EBF1: variants seen among roughly 807,000 people sequenced by gnomAD.
The protein encoded by EBF1 is EBF transcription factor 1.
A neutral mutation model predicts 68.4 loss-of-function variants in EBF1; 10 were observed. That is an observed-to-expected ratio of 0.15 (90% confidence interval 0.09 to 0.25). The LOEUF is 0.25. EBF1 is among the 10% of genes least tolerant of loss of function. The pLI is 1.00. For missense variants in EBF1, 509 were observed against 794.4 expected (o/e 0.64, Z 4.32); for synonymous variants, 298 against 299.8 (o/e 0.99, Z 0.06).
At chr5:158,971,579 T>C (rs1755662515) in intron 6 of EBF1, among the ~76,000 whole-genome samples, 1 of 152,064 alleles carries the variant, frequency 6.6e-6, no homozygotes, top group African/African-American at 2.4e-5. Flanking sequence ...TCACTAAAAA[T>C]CAGAGTGTTT....
intron 10 of EBF1, among the ~76,000 whole-genome samples, chr5:158,743,500 G>A (rs1213766463): frequency 6.6e-6 from 1 of 152,204 alleles, no homozygotes. Context: ...GGAGCAACAC[G>A]ATGTGATCAA....
chr5:158,872,683 G>A (rs930053768), intron 6 of EBF1, among the ~76,000 whole-genome samples: 2 of 152,148 alleles, frequency 1.3e-5, no homozygotes, highest in African/African-American at 2.4e-5. Context: ...TACAAACATA[G>A]GCATTTACTC....
At chr5:158,867,138 G>T (rs1306338758) in intron 6 of EBF1, among the ~76,000 whole-genome samples, 2 of 151,950 alleles carry the variant, frequency 1.3e-5, no homozygotes, top group African/African-American at 4.8e-5. Flanking sequence ...GCTCTATTGT[G>T]CCTGGCCAGG....
At chr5:158,946,384 T>C (rs1163359111) in intron 6 of EBF1, among the ~76,000 whole-genome samples, 1 of 152,200 alleles carries the variant, frequency 6.6e-6, no homozygotes. Context: ...TCGTCCTTCT[T>C]TTTGATGTTG....
rs1010503968 is a variant in EBF1, at chr5:158,712,975, T to C, written c.1364A>G (p.Asn455Ser). 2 of 1,487,900 alleles carry C rather than the reference T, an allele frequency of 1.3e-6. No homozygotes were observed. Among genetic ancestry groups the C allele is most frequent in the Admixed American group, 2.1e-5 (1 of 47,818 alleles). 92.2% of individuals were successfully genotyped at this position (1,487,900 alleles called of 1,614,324 possible). ...VNVSEASQAT[N>S]QGFTRNSSSV... ...GAGAAAAGCAAGCTTCTGACCCTGATTGGTGGCTTGTGATGCCTCGGAGAC... is the reference window on the plus strand; with the variant it reads ...GAGAAAAGCAAGCTTCTGACCCTGACTGGTGGCTTGTGATGCCTCGGAGAC... The change falls in exon 13 of 16, where the codon AAT becomes AGT. Residue 455 changes from asparagine (N) to serine (S), a missense_variant. This residue lies in a region of EBF1 where 205 missense variants were observed against 247.4 expected (regional missense o/e 0.83). Transcript: ENST00000313708.
chr5:158,822,411 T>C (rs1785071593), intron 8 of EBF1, among the ~76,000 whole-genome samples: 1 of 151,926 alleles, frequency 6.6e-6, no homozygotes. Flanking sequence ...CACTGAAAAA[T>C]TCAGGCGTGC....
At chr5:158,785,573 C>T (rs930318804) in intron 9 of EBF1, among the ~76,000 whole-genome samples, 16 of 152,094 alleles carry the variant, frequency 1.1e-4, no homozygotes, top group Admixed American at 5.9e-4. Flanking sequence ...TCTCAGAGAA[C>T]GTGAGAAAAA....
chr5:158,773,486 C>G (rs1366014397), intron 10 of EBF1, among the ~76,000 whole-genome samples: 1 of 152,110 alleles, frequency 6.6e-6, no homozygotes, highest in Admixed American at 6.5e-5. Context: ...AACCAGACAT[C>G]TGAGTTGTTA....
chr5:158,768,361 T>C (rs1773187889), intron 10 of EBF1, among the ~76,000 whole-genome samples: 1 of 152,066 alleles, frequency 6.6e-6, no homozygotes, highest in Non-Finnish European at 1.5e-5. Context: ...TTATGTATTT[T>C]TAAATGAAAA....
intron 6 of EBF1, among the ~76,000 whole-genome samples, chr5:159,065,373 C>T (rs971954383): frequency 6.6e-6 from 1 of 152,270 alleles, no homozygotes; most frequent in Non-Finnish European, 1.5e-5. Context: ...GGAGAATTCA[C>T]GGCACTGGCG....
rs1252034729 is a variant in EBF1 at position 158,750,419 on chromosome 5, CTCTGA to C, written c.1037-19267_1037-19263del. On this transcript the variant is annotated intron_variant, in intron 10 of 15. Coordinates refer to ENST00000313708, the MANE Select transcript of EBF1 (RefSeq NM_024007.5). ...TTATTACTATTGATTTATGAATTCC[CTCTGA>C]TCTATTTCCTAACTGGGCAGATAAT... Among the ~76,000 whole-genome samples, 5 of 152,030 alleles carry C rather than the reference CTCTGA, an allele frequency of 3.3e-5. No homozygotes were observed. The East Asian group carries it at 9.7e-4, about 29-fold the overall frequency.
intron 6 of EBF1, among the ~76,000 whole-genome samples, chr5:158,949,407 A>T (rs1007785056): frequency 2.6e-5 from 4 of 152,158 alleles, no homozygotes; most frequent in Non-Finnish European, 5.9e-5. Context: ...AGATGGGAGG[A>T]TTGCTTGAGG....
At chr5:158,840,671 T>G (rs201012535) in intron 6 of EBF1, among the ~76,000 whole-genome samples, 189 of 76,774 alleles carry the variant, frequency 2.5e-3, no homozygotes, top group African/African-American at 2.4e-3. Context: ...TTTTTTTTTT[T>G]TGTTTTTTTT....
At chr5:158,831,596 G>A (rs570544381) in intron 7 of EBF1, among the ~76,000 whole-genome samples, 1 of 152,258 alleles carries the variant, frequency 6.6e-6, no homozygotes, top group Non-Finnish European at 1.5e-5. Context: ...TGATTCCTAG[G>A]TGGGAGATAT....
At chr5:158,996,966 A>G (rs1004383465) in intron 6 of EBF1, among the ~76,000 whole-genome samples, 1 of 152,104 alleles carries the variant, frequency 6.6e-6, no homozygotes, top group Non-Finnish European at 1.5e-5. Flanking sequence ...GCCAGCCCCA[A>G]CTACACCCCA....
At chr5:158,840,645 G>GTTTTTTTTTGT (rs1790044766) in intron 6 of EBF1, among the ~76,000 whole-genome samples, 1 of 64,778 alleles carries the variant, frequency 1.5e-5, no homozygotes, top group Non-Finnish European at 2.8e-5. Context: ...AATACCTCCT[G>GTTTTTTTTTGT]TTTTTTTTTT....
chr5:158,907,058 C>T (rs1426900879), intron 6 of EBF1, among the ~76,000 whole-genome samples: 2 of 152,206 alleles, frequency 1.3e-5, no homozygotes, highest in African/African-American at 2.4e-5. Context: ...GGGGTTGGAA[C>T]TCAGTTCTAA....
intron 6 of EBF1, among the ~76,000 whole-genome samples, chr5:159,042,612 A>ATG (rs1561866929): frequency 3.0e-5 from 4 of 135,088 alleles, no homozygotes; most frequent in Middle Eastern, 4.1e-3. Flanking sequence ...GTGTGTGTGC[A>ATG]TGTGTGTGTG....
At chr5:159,043,692 A>G (rs1264074252) in intron 6 of EBF1, among the ~76,000 whole-genome samples, 1 of 152,246 alleles carries the variant, frequency 6.6e-6, no homozygotes, top group Non-Finnish European at 1.5e-5. Context: ...TAAAAGAGAG[A>G]GAGACCAAAA....
Sources: gnomAD v4.1 joint callset for allele counts (sites outside exome capture counted in the v4.1 genomes callset) on GRCh38, gnomAD v4.1.1 for gene constraint, gnomAD v4.1.1 regional missense constraint, MANE v1.5 for transcripts, NCBI Gene and HGNC (gene_info 2026-07-23, HGNC 2026-07-21) for gene names.